VIT: variants seen among roughly 807,000 people sequenced by gnomAD.
The protein encoded by VIT is vitrin.
Under a neutral mutation model 78.0 loss-of-function variants are expected in VIT, and 99 were observed. The ratio of observed to expected loss-of-function variants is 1.27; its 90% CI spans 1.08 to 1.50. VIT has a LOEUF of 1.50. Ranked by LOEUF, VIT falls within the 40% of genes most tolerant of loss-of-function variation. The pLI, the probability that VIT is intolerant of heterozygous loss-of-function variation, is 0.00. For synonymous variants in VIT, 374 were observed against 334.3 expected (o/e 1.12, Z -1.29); for missense variants, 1,126 against 875.3 (o/e 1.29, Z -3.61).
intron 12 of VIT, among the ~76,000 whole-genome samples, chr2:36,791,534 G>A (rs1321928503): frequency 6.6e-6 from 1 of 152,220 alleles, no homozygotes; most frequent in East Asian, 1.9e-4. Flanking sequence ...CCGGATTATA[G>A]GGATGTTGCA....
chr2:36,808,564 C>G lies in VIT; in HGVS notation c.1482C>G (p.Cys494Trp), dbSNP rs1178273485. The change falls in exon 15 of 16, where the codon TGC becomes TGG. Residue 494 changes from cysteine to tryptophan, a missense_variant. By Grantham distance (215) the Cys-to-Trp change is radical (BLOSUM62 -2). Transcript: ENST00000379242. Reference protein sequence around the residue: ...KTLQPLVKRVCDTDRLACSKT... With the variant: ...KTLQPLVKRVWDTDRLACSKT... ...TGCAGCCTCTGGTGAAGCGGGTCTG[C>G]GACACTGACCGCCTGGCCTGCAGCA... 1 of 1,614,072 alleles carries G rather than the reference C, an allele frequency of 6.2e-7. No homozygotes were observed. Among genetic ancestry groups the G allele is most frequent in the South Asian group, 1.1e-5 (1 of 91,080 alleles).
At chr2:36,726,086 G>A (rs1666827935) in intron 2 of VIT, among the ~76,000 whole-genome samples, 1 of 149,684 alleles carries the variant, frequency 6.7e-6, no homozygotes, top group Non-Finnish European at 1.5e-5. Flanking sequence ...AAAAAAAAAT[G>A]CTATCAGAAA....
At chr2:36,728,980 G>A (rs1044837799) in intron 2 of VIT, among the ~76,000 whole-genome samples, 2 of 151,940 alleles carry the variant, frequency 1.3e-5, no homozygotes, top group African/African-American at 4.8e-5. Flanking sequence ...AGTCCCGCAA[G>A]CTCCATTCAT....
chr2:36,742,031 T>G (rs1667865456), intron 3 of VIT, among the ~76,000 whole-genome samples: 1 of 152,136 alleles, frequency 6.6e-6, no homozygotes, highest in South Asian at 2.1e-4. Context: ...ATTTGGTAAT[T>G]TCCAGACCAT....
intron 3 of VIT, among the ~76,000 whole-genome samples, chr2:36,741,259 A>C (rs1286406071): frequency 6.6e-6 from 1 of 152,206 alleles, no homozygotes; most frequent in Non-Finnish European, 1.5e-5. Context: ...CATAATAGTA[A>C]ATGCAGCCTT....
At chr2:36,725,765 G>C (rs1391550026) in intron 2 of VIT, among the ~76,000 whole-genome samples, 1 of 152,114 alleles carries the variant, frequency 6.6e-6, no homozygotes, top group Non-Finnish European at 1.5e-5. Flanking sequence ...TTGATGATCT[G>C]TGTTCAGTTA....
intron 13 of VIT, among the ~76,000 whole-genome samples, chr2:36,803,759 T>C (rs987315725): frequency 3.3e-5 from 5 of 152,198 alleles, no homozygotes; most frequent in Non-Finnish European, 7.4e-5. Flanking sequence ...CAGAAATGCA[T>C]TGAGTATAAT....
intron 15 of VIT, 50 bp from the exon 16 acceptor site, chr2:36,814,133 G>C (rs370154776): frequency 1.3e-6 from 2 of 1,588,586 alleles, no homozygotes; most frequent in Non-Finnish European, 1.7e-6. Context: ...AGATTCTTTA[G>C]CAGCACCTTT....
intron 2 of VIT, 87 bp from the exon 3 acceptor site, chr2:36,729,339 T>A: frequency 8.6e-7 from 1 of 1,166,860 alleles, no homozygotes; most frequent in Admixed American, 2.4e-5. Context: ...GAATACTTTG[T>A]GGATGATCGA....
At chr2:36,808,058 T>G (rs1666858093) in intron 14 of VIT, among the ~76,000 whole-genome samples, 1 of 152,220 alleles carries the variant, frequency 6.6e-6, no homozygotes, top group South Asian at 2.1e-4. Context: ...CTTGTGTATG[T>G]CATCTCTTTT....
chr2:36,800,336 C>A (rs1242696595), intron 12 of VIT, among the ~76,000 whole-genome samples: 1 of 152,088 alleles, frequency 6.6e-6, no homozygotes, highest in South Asian at 2.1e-4. Flanking sequence ...CAGAGTGAGA[C>A]TCCGTGTTAA....
Position 36,801,333 on chromosome 2 carries a change from C to T in VIT, c.1091C>T (p.Thr364Ile), listed in dbSNP as rs748986179. The T allele has an allele frequency of 6.2e-7, 1 of 1,614,168 alleles. No individual in the cohort carries two copies. The highest frequency in any genetic ancestry group is 1.1e-5 in the South Asian group (1 of 91,080). The change falls in exon 13 of 16, where the codon ACA (threonine) becomes ATA (isoleucine). Residue 364 changes from threonine to isoleucine, a missense_variant. By Grantham distance (89) the Thr-to-Ile change is moderately conservative. Transcript: ENST00000379242. Reference protein sequence around the residue: ...DNPATHFNLKTHTNSRDLKTA... With the variant: ...DNPATHFNLKIHTNSRDLKTA... ...CCTGCTACTCACTTTAACCTCAAGA[C>T]ACACACGAATTCTCGAGATCTGAAG...
rs191786389 is a variant in VIT, at chr2:36,747,952, G to A, written c.275+4696G>A. Among the ~76,000 whole-genome samples the A allele has an allele frequency of 8.6e-4, 131 of 152,196 alleles. 1 individual carries two copies. Among genetic ancestry groups the A allele is most frequent in the Non-Finnish European group, 9.7e-4 (66 of 67,968 alleles). ...CTGTTGTATTAGCATTTGCTTATCT[G>A]AAAAGTGTTTTATTTCTCCTTTGCT... On this transcript the variant is annotated intron_variant, in intron 4 of 15. Transcript: ENST00000379242.
intron 12 of VIT, among the ~76,000 whole-genome samples, chr2:36,796,338 G>C (rs1189622439): frequency 6.6e-6 from 1 of 152,196 alleles, no homozygotes; most frequent in African/African-American, 2.4e-5. Context: ...TTCTGTTGAT[G>C]AAAATGTTGT....
chr2:36,737,825 G>T (rs1372877747), intron 3 of VIT, among the ~76,000 whole-genome samples: 1 of 152,150 alleles, frequency 6.6e-6, no homozygotes, highest in Non-Finnish European at 1.5e-5. Flanking sequence ...TTGCTTCTTA[G>T]ACACCTGGCG....
intron 10 of VIT, among the ~76,000 whole-genome samples, chr2:36,782,427 C>A (rs898978947): frequency 1.3e-5 from 2 of 152,178 alleles, no homozygotes; most frequent in Non-Finnish European, 2.9e-5. Context: ...AGGATGAAAT[C>A]ATGTGCTTTG....
intron 13 of VIT, 38 bp downstream of exon 13, chr2:36,801,442 C>A: frequency 1.3e-6 from 2 of 1,505,846 alleles, no homozygotes; most frequent in South Asian, 1.1e-5. Flanking sequence ...ATCTTGCTAC[C>A]ATCGTTCTCT....
intron 1 of VIT, among the ~76,000 whole-genome samples, chr2:36,699,055 C>G (rs1231283739): frequency 2.0e-5 from 3 of 152,092 alleles, no homozygotes; most frequent in Non-Finnish European, 4.4e-5. Context: ...TTCATGGCCC[C>G]CAACATGTTC....
intron 12 of VIT, among the ~76,000 whole-genome samples, chr2:36,800,918 G>C (rs571006872): frequency 6.6e-6 from 1 of 152,148 alleles, no homozygotes; most frequent in Non-Finnish European, 1.5e-5. Context: ...TGGAGAGGGG[G>C]GTCTGGGGTA....
Sources: allele counts gnomAD v4.1 joint callset (sites outside exome capture counted in the v4.1 genomes callset), GRCh38; gene constraint gnomAD v4.1.1; transcripts MANE v1.5; gene names NCBI Gene and HGNC (gene_info 2026-07-23, HGNC 2026-07-21).